The following CNTN3 variants were observed in gnomAD, a reference collection of about 807,000 sequenced individuals.
The protein encoded by CNTN3 is contactin 3.
CNTN3 carries 60 observed loss-of-function variants against 119.1 expected under a neutral mutation model. The observed-to-expected ratio is 0.50, with a 90% CI of 0.41 to 0.62. The LOEUF (loss-of-function observed/expected upper bound fraction) is 0.62, where lower values mean the gene tolerates loss of function less well. CNTN3 is among the 20% of genes least tolerant of loss of function. The probability of loss-of-function intolerance (pLI) is 0.00; values close to 1 mark genes in which losing one functional copy is unlikely to be tolerated. For synonymous variants in CNTN3, 450 were observed against 438.7 expected (o/e 1.03, Z -0.32); for missense variants, 1,101 against 1,242.4 (o/e 0.89, Z 1.71).
intron 4 of CNTN3, among the ~76,000 whole-genome samples, chr3:74,454,650 C>T (rs936095554): frequency 2.2e-4 from 34 of 151,882 alleles, no homozygotes; most frequent in African/African-American, 7.3e-4. Flanking sequence ...CAGCTGGTAC[C>T]GGTTGTTCCT....
At chr3:74,600,860 A>C (rs1255890392) in intron 1 of CNTN3, among the ~76,000 whole-genome samples, 1 of 151,922 alleles carries the variant, frequency 6.6e-6, no homozygotes, top group Non-Finnish European at 1.5e-5. Flanking sequence ...CAACTCTCCA[A>C]ATCTGGAGGA....
In CNTN3 at chr3:74,570,059, G is replaced by C. The variant is rs375883109; in HGVS notation, c.-81+44332C>G. 2.2e-4 allele frequency among the ~76,000 whole-genome samples: 33 copies of C among 152,248 alleles called. No individual in the cohort carries two copies. In the South Asian group the frequency reaches 6.8e-3, roughly 32 times the overall value. The stretch of plus-strand genomic sequence containing the variant: ...CAGCCGGCTTCTGCAAGCAGCCTGA[G>C]AAAAACCTCTGCTTTAGAGGGTTCG... On this transcript the variant is annotated intron_variant, in intron 1 of 22. Transcript: ENST00000263665.
At chr3:74,356,752 C>T (rs1158193307) in intron 11 of CNTN3, among the ~76,000 whole-genome samples, 1 of 152,058 alleles carries the variant, frequency 6.6e-6, no homozygotes, top group African/African-American at 2.4e-5. Context: ...ATTTACTACT[C>T]TAGCTTGAAA....
intron 20 of CNTN3, among the ~76,000 whole-genome samples, chr3:74,278,581 A>T (rs1701929593): frequency 6.6e-6 from 1 of 152,282 alleles, no homozygotes; most frequent in East Asian, 1.9e-4. Context: ...CTGGATCCTC[A>T]TCTCTCACCT....
At chr3:74,342,183 A>C (rs1194288503) in intron 11 of CNTN3, among the ~76,000 whole-genome samples, 8 of 152,156 alleles carry the variant, frequency 5.3e-5, no homozygotes, top group Admixed American at 4.6e-4. Flanking sequence ...TAAACATGAG[A>C]GAAAAAGACC....
At chr3:74,463,747 C>T (rs1702412190) in intron 4 of CNTN3, among the ~76,000 whole-genome samples, 1 of 152,054 alleles carries the variant, frequency 6.6e-6, no homozygotes, top group Non-Finnish European at 1.5e-5. Context: ...CCTGGAGAGT[C>T]GGCATGTCTT....
intron 2 of CNTN3, among the ~76,000 whole-genome samples, chr3:74,503,101 A>G (rs1207835076): frequency 6.6e-6 from 1 of 152,174 alleles, no homozygotes; most frequent in Admixed American, 6.5e-5. Context: ...TGGCCTCCCC[A>G]GAAGTGAGGC....
At chr3:74,524,437 T>C (rs1349471488) in intron 1 of CNTN3, among the ~76,000 whole-genome samples, 2 of 151,752 alleles carry the variant, frequency 1.3e-5, no homozygotes, top group East Asian at 2.0e-4. Flanking sequence ...CAGTAGAGGG[T>C]AGACGTTTCT....
At chr3:74,536,217 T>G (rs1292504691) in intron 1 of CNTN3, among the ~76,000 whole-genome samples, 1 of 151,868 alleles carries the variant, frequency 6.6e-6, no homozygotes, top group African/African-American at 2.4e-5. Flanking sequence ...GTTCAGAGGG[T>G]CCCAAAAACG....
At chr3:74,457,094 C>A (rs964744147) in intron 4 of CNTN3, among the ~76,000 whole-genome samples, 9 of 151,936 alleles carry the variant, frequency 5.9e-5, no homozygotes, top group African/African-American at 2.2e-4. Context: ...AAACAAAATT[C>A]AGATTCCCAT....
intron 4 of CNTN3, among the ~76,000 whole-genome samples, chr3:74,449,822 A>G (rs940674544): frequency 6.6e-6 from 1 of 152,164 alleles, no homozygotes; most frequent in African/African-American, 2.4e-5. Flanking sequence ...TAATTCAAAA[A>G]TATCTACACA....
intron 4 of CNTN3, among the ~76,000 whole-genome samples, chr3:74,451,630 T>G (rs1432454907): frequency 9.2e-5 from 14 of 152,160 alleles, no homozygotes; most frequent in South Asian, 4.1e-4. Context: ...TTTTCTTCTA[T>G]GGTTTTTATG....
intron 11 of CNTN3, among the ~76,000 whole-genome samples, chr3:74,353,526 A>G (rs921771693): frequency 6.6e-6 from 1 of 152,090 alleles, no homozygotes; most frequent in Non-Finnish European, 1.5e-5. Flanking sequence ...GGAGGCCGAG[A>G]CGGGTGGATC....
At chr3:74,560,473 T>C (rs563071854) in intron 1 of CNTN3, among the ~76,000 whole-genome samples, 5 of 152,294 alleles carry the variant, frequency 3.3e-5, no homozygotes, top group Non-Finnish European at 7.4e-5. Context: ...AGGATACATA[T>C]ATACAAACAT....
At position 74,507,727 on chromosome 3, in the gene CNTN3, C is replaced by T. The variant is rs371015768; in HGVS notation, c.56-7942G>A. ...ACTCACTGCAACCTCTGCCTCCCGG[C>T]TTCTAGCAATTCTTCTGCCTCAGCC... On this transcript the variant is annotated intron_variant, in intron 2 of 22. Coordinates refer to ENST00000263665, the MANE Select transcript of CNTN3 (RefSeq NM_020872.3). Among the ~76,000 whole-genome samples, 12 of 148,150 alleles carry T rather than the reference C, an allele frequency of 8.1e-5. 1 individual carries two copies. The highest frequency in any genetic ancestry group is 4.2e-4 in the South Asian group (2 of 4,730).
intron 3 of CNTN3, among the ~76,000 whole-genome samples, chr3:74,498,452 C>T (rs1159677374): frequency 6.6e-6 from 1 of 151,766 alleles, no homozygotes; most frequent in African/African-American, 2.4e-5. Flanking sequence ...AAAACTTTTT[C>T]TCATCTTTGC....
At chr3:74,611,385 A>G in intron 1 of CNTN3, among the ~76,000 whole-genome samples, 1 of 152,210 alleles carries the variant, frequency 6.6e-6, no homozygotes, top group East Asian at 1.9e-4. Context: ...ATAAAAATGT[A>G]CTATGGATTG....
chr3:74,310,392 A>C (rs1702656018), intron 13 of CNTN3, among the ~76,000 whole-genome samples: 1 of 152,158 alleles, frequency 6.6e-6, no homozygotes, highest in South Asian at 2.1e-4. Context: ...GTAATGTGTA[A>C]GTTGAACAGG....
chr3:74,614,148 G>C (rs116227257), intron 1 of CNTN3, among the ~76,000 whole-genome samples: 1,738 of 152,248 alleles, frequency 0.011, 25 homozygotes, highest in African/African-American at 0.039. Context: ...AATTTTCAGC[G>C]CTCCAGCTGG....
Sources: allele counts gnomAD v4.1 joint callset (sites outside exome capture counted in the v4.1 genomes callset), GRCh38; gene constraint gnomAD v4.1.1; transcripts MANE v1.5; gene names NCBI Gene and HGNC (gene_info 2026-07-23, HGNC 2026-07-21).